Variants in CHD6 observed in about 807,000 individuals in gnomAD.
CHD6 encodes chromodomain helicase DNA binding protein 6, also known as ATP-dependent chromatin remodeler CHD6.
CHD6 carries 50 observed loss-of-function variants against 276.9 expected under a neutral mutation model. The observed-to-expected ratio is 0.18, with a 90% CI of 0.14 to 0.23. The LOEUF (loss-of-function observed/expected upper bound fraction) is 0.23, where lower values mean the gene tolerates loss of function less well. CHD6 is among the 10% of genes least tolerant of loss of function. CHD6 has a pLI of 1.00. For missense variants in CHD6, 2,564 were observed against 3,365.8 expected, an observed-to-expected ratio of 0.76 and a Z score of 5.89; for synonymous variants, 1,173 against 1,229.3, an observed-to-expected ratio of 0.95 and a Z score of 0.96.
chr20:41,557,286 T>C (rs546322287), intron 1 of CHD6, among the ~76,000 whole-genome samples: 34 of 152,376 alleles, frequency 2.2e-4, no homozygotes, highest in African/African-American at 7.9e-4. Flanking sequence ...GAAGGTAAGC[T>C]GCTAATGATG....
At chr20:41,511,345 C>G (rs2145957222) in intron 5 of CHD6, among the ~76,000 whole-genome samples, 1 of 152,286 alleles carries the variant, frequency 6.6e-6, no homozygotes, top group Non-Finnish European at 1.5e-5. Flanking sequence ...GGCAATAATG[C>G]CCCTCCTACA....
chr20:41,468,433 CTTATT>C (rs1364161190), intron 17 of CHD6, among the ~76,000 whole-genome samples: 2 of 152,094 alleles, frequency 1.3e-5, no homozygotes, highest in East Asian at 1.9e-4. Flanking sequence ...TTCTTATCCC[CTTATT>C]TTATTTTCTT....
chr20:41,405,497 A>G lies in CHD6; in HGVS notation c.7252-8T>C. On this transcript the variant is annotated splice_region_variant and splice_polypyrimidine_tract_variant and intron_variant, in intron 36 of 36. Coordinates refer to ENST00000373233, the MANE Select transcript of CHD6 (RefSeq NM_032221.5). ...GTTTTCTGGAAGAAACCCCTGGAAA[A>G]ACAAAGAAACACAAAATGCTGAAGG... The G allele has an allele frequency of 1.9e-6, 3 of 1,540,114 alleles. No homozygotes were observed. Among genetic ancestry groups the G allele is most frequent in the Non-Finnish European group, 1.7e-6 (2 of 1,145,198 alleles).
At chr20:41,566,899 A>C (rs1432516132) in intron 1 of CHD6, among the ~76,000 whole-genome samples, 4 of 152,176 alleles carry the variant, frequency 2.6e-5, no homozygotes, top group African/African-American at 9.7e-5. Context: ...AAATGGGGTG[A>C]ATAGGAGGTA....
intron 25 of CHD6, among the ~76,000 whole-genome samples, chr20:41,445,179 A>G (rs4812509): frequency 0.073 from 11,068 of 152,292 alleles, 779 homozygotes; most frequent in East Asian, 0.32. Context: ...TTAAAAAGAC[A>G]GTCTATGCTA....
intron 1 of CHD6, chr20:41,564,239 C>A: frequency 1.7e-6 from 1 of 582,200 alleles, no homozygotes; most frequent in Non-Finnish European, 3.1e-6. Context: ...TAAAAATGAT[C>A]TAGATGACAT....
chr20:41,445,603 C>T, intron 25 of CHD6, 62 bp downstream of exon 25: 1 of 1,064,532 alleles, frequency 9.4e-7, no homozygotes, highest in Non-Finnish European at 1.5e-6. Context: ...GTTGGAGGGG[C>T]TGAACTCATC....
intron 1 of CHD6, among the ~76,000 whole-genome samples, chr20:41,617,066 T>A (rs1231407807): frequency 6.6e-6 from 1 of 152,166 alleles, no homozygotes; most frequent in Non-Finnish European, 1.5e-5. Context: ...AATAATCAAA[T>A]TTCAGGCAAT....
At chr20:41,428,464 A>G (rs1364633932) in intron 27 of CHD6, among the ~76,000 whole-genome samples, 1 of 152,190 alleles carries the variant, frequency 6.6e-6, no homozygotes, top group Non-Finnish European at 1.5e-5. Flanking sequence ...TCAAAGAGGT[A>G]TGAATCATCT....
chr20:41,481,856 A>G (rs1426337622), intron 16 of CHD6, among the ~76,000 whole-genome samples: 2 of 152,162 alleles, frequency 1.3e-5, no homozygotes, highest in East Asian at 1.9e-4. Flanking sequence ...TAAATAAAAA[A>G]TAAGAGTTAC....
At chr20:41,503,927 A>C (rs2043902873) in intron 5 of CHD6, among the ~76,000 whole-genome samples, 1 of 151,724 alleles carries the variant, frequency 6.6e-6, no homozygotes, top group African/African-American at 2.4e-5. Context: ...AAAATACAAA[A>C]ATTAGCTGGG....
chr20:41,407,037 T>C lies in CHD6; in HGVS notation c.7252-1548A>G, dbSNP rs553843048. 2.0e-5 allele frequency among the ~76,000 whole-genome samples: 3 copies of C among 152,286 alleles called. No homozygotes were observed. In the East Asian group the frequency reaches 5.8e-4, roughly 29 times the overall value. ...ATGTTCAGAGTGGCTTCAATGGATC[T>C]TGTCACACTGGATTCCACTGAGGTC... On this transcript the variant is annotated intron_variant, in intron 36 of 36. Transcript: ENST00000373233.
intron 17 of CHD6, among the ~76,000 whole-genome samples, chr20:41,471,458 TTTTC>T (rs1407760601): frequency 3.9e-5 from 6 of 152,138 alleles, no homozygotes; most frequent in Non-Finnish European, 5.9e-5. Context: ...TAATCACTGG[TTTTC>T]TTTGAGATCA....
chr20:41,407,770 C>T (rs1457807635), intron 36 of CHD6, among the ~76,000 whole-genome samples: 2 of 152,174 alleles, frequency 1.3e-5, no homozygotes, highest in Non-Finnish European at 2.9e-5. Flanking sequence ...GCGAGGGGAA[C>T]GGCTGTCAGA....
chr20:41,484,589 T>G lies in CHD6; in HGVS notation c.2020A>C (p.Ile674Leu), dbSNP rs1430440317. 6.2e-7 allele frequency: 1 copy of G among 1,613,826 alleles called. No homozygotes were observed. Among genetic ancestry groups the G allele is most frequent in the East Asian group, 2.2e-5 (1 of 44,832 alleles). The change falls in exon 15 of 37, where the codon ATC (isoleucine) becomes CTC (leucine). Residue 674 changes from isoleucine to leucine, a missense_variant. Around this residue, in one of 7 missense-constraint regions of CHD6, gnomAD observed 457 missense variants for 889.0 expected, o/e 0.51. Coordinates refer to ENST00000373233, the MANE Select transcript of CHD6 (RefSeq NM_032221.5). ...CGCCGAAGCATCATTGGTTTTAGGA[T>G]AGACTGCAGTTTCTTTACCTGTCCA... is the stretch of plus-strand genomic sequence containing the variant. ...TEEQVKKLQS[I>L]LKPMMLRRLK...
intron 1 of CHD6, among the ~76,000 whole-genome samples, chr20:41,564,338 C>T (rs1197978090): frequency 2.0e-5 from 3 of 152,106 alleles, no homozygotes; most frequent in Non-Finnish European, 4.4e-5. Flanking sequence ...ATTTTAAAAA[C>T]AGAGTTATAA....
chr20:41,422,122 C>T (rs746084093), intron 30 of CHD6, 43 bp from the exon 31 acceptor site: 2 of 1,554,530 alleles, frequency 1.3e-6, no homozygotes, highest in Non-Finnish European at 1.7e-6. Context: ...AAGGTGACCT[C>T]AGACACTCCC....
intron 17 of CHD6, among the ~76,000 whole-genome samples, chr20:41,469,772 T>TTA (rs1337570147): frequency 6.6e-6 from 1 of 152,228 alleles, no homozygotes; most frequent in Non-Finnish European, 1.5e-5. Context: ...TGACTCTAGA[T>TTA]AAGATCTCCC....
chr20:41,554,374 ATTT>A (rs1317998655), intron 1 of CHD6, among the ~76,000 whole-genome samples: 1 of 138,324 alleles, frequency 7.2e-6, no homozygotes, highest in South Asian at 2.4e-4. Context: ...TGGCACTTTT[ATTT>A]TTTATTTATT....
Sources: gnomAD v4.1 joint callset for allele counts (sites outside exome capture counted in the v4.1 genomes callset) on GRCh38, gnomAD v4.1.1 for gene constraint, gnomAD v4.1.1 regional missense constraint, MANE v1.5 for transcripts, NCBI Gene and HGNC (gene_info 2026-07-23, HGNC 2026-07-21) for gene names.